DCC: variants seen among roughly 807,000 people sequenced by gnomAD.
DCC encodes netrin receptor DCC.
A neutral mutation model predicts 172.5 loss-of-function variants in DCC; 58 were observed. That is an observed-to-expected ratio of 0.34 (90% confidence interval 0.27 to 0.42). The LOEUF is 0.42. DCC is among the 10% of genes least tolerant of loss of function. The pLI is 1.00. For synonymous variants in DCC, 709 were observed against 644.5 expected, an observed-to-expected ratio of 1.10 and a Z score of -1.52; for missense variants, 1,740 against 1,791.0, an observed-to-expected ratio of 0.97 and a Z score of 0.51.
intron 12 of DCC, among the ~76,000 whole-genome samples, chr18:53,278,537 T>C (rs1436489409): frequency 1.3e-5 from 2 of 152,134 alleles, no homozygotes; most frequent in Non-Finnish European, 2.9e-5. Context: ...ATCTCTGTCT[T>C]GTAGGTCCTC....
intron 5 of DCC, among the ~76,000 whole-genome samples, chr18:53,022,421 G>C (rs2041893516): frequency 6.6e-6 from 1 of 151,526 alleles, no homozygotes; most frequent in Non-Finnish European, 1.5e-5. Flanking sequence ...AAGCACTAAG[G>C]GTTAATTGCA....
chr18:52,791,525 G>A (rs56405409), intron 2 of DCC, among the ~76,000 whole-genome samples: 32,714 of 151,442 alleles, frequency 0.22, 4,243 homozygotes, highest in South Asian at 0.35. Context: ...ATCACCAACC[G>A]TGGCTGCAGG....
At chr18:52,469,018 G>A (rs928167597) in intron 1 of DCC, among the ~76,000 whole-genome samples, 4 of 148,056 alleles carry the variant, frequency 2.7e-5, no homozygotes, top group Non-Finnish European at 4.4e-5. Flanking sequence ...CTCATCAGTG[G>A]AAAACAATTT....
intron 15 of DCC, among the ~76,000 whole-genome samples, chr18:53,340,784 C>T (rs9951099): frequency 1.3e-5 from 2 of 151,954 alleles, no homozygotes; most frequent in Admixed American, 6.6e-5. Context: ...GATTTAATAC[C>T]GTATTACATG....
rs367877222 is a variant in DCC at position 53,530,554 on chromosome 18, C to A, written c.4255-10C>A. 5 of 1,453,252 alleles carry A rather than the reference C, an allele frequency of 3.4e-6. No homozygotes were observed. Among genetic ancestry groups the A allele is most frequent in the African/African-American group, 1.4e-5 (1 of 71,728 alleles). The allele number at this position is 1,453,252 out of a possible 1,614,324, so 90.0% of individuals were successfully genotyped here. On this transcript the variant is annotated splice_polypyrimidine_tract_variant and intron_variant, in intron 28 of 28. Coordinates refer to ENST00000442544, the MANE Select transcript of DCC (RefSeq NM_005215.4). The stretch of plus-strand genomic sequence containing the variant: ...TTGTTACTAACTCTTGGCTCTCATT[C>A]TCTTTATAGGTGTATGAACAGGATG...
chr18:53,437,216 T>A (rs1170866361), intron 22 of DCC, among the ~76,000 whole-genome samples: 1 of 152,190 alleles, frequency 6.6e-6, no homozygotes, highest in Non-Finnish European at 1.5e-5. Flanking sequence ...TGGTAGGTAT[T>A]TGACTTTCAG....
chr18:52,867,872 A>T (rs1444342292), intron 2 of DCC, among the ~76,000 whole-genome samples: 9 of 152,156 alleles, frequency 5.9e-5, no homozygotes, highest in Non-Finnish European at 1.0e-4. Context: ...TATACAAAGG[A>T]TTTTAACTTT....
At position 52,898,154 on chromosome 18, in the gene DCC, A is replaced by G. The variant is rs866164350; in HGVS notation, c.413-7890A>G. On this transcript the variant is annotated intron_variant, in intron 2 of 28. Coordinates refer to ENST00000442544, the MANE Select transcript of DCC (RefSeq NM_005215.4). ...TCTGGCAGTTGCAGAGTATTACCACACTGCTGAATATTTAAAAGCAAGGCG... is the reference window on the plus strand; with the variant it reads ...TCTGGCAGTTGCAGAGTATTACCACGCTGCTGAATATTTAAAAGCAAGGCG... Among the ~76,000 whole-genome samples the G allele has an allele frequency of 1.1e-3, 174 of 152,328 alleles. 1 individual carries two copies. The highest frequency in any genetic ancestry group is 4.0e-3 in the African/African-American group (168 of 41,576).
At chr18:52,914,036 A>G (rs1165406235) in intron 3 of DCC, among the ~76,000 whole-genome samples, 1 of 152,072 alleles carries the variant, frequency 6.6e-6, no homozygotes, top group African/African-American at 2.4e-5. Context: ...TTCATTATCA[A>G]ACAACAAGAG....
intron 12 of DCC, among the ~76,000 whole-genome samples, chr18:53,295,088 T>C (rs533275715): frequency 1.3e-5 from 2 of 152,286 alleles, no homozygotes; most frequent in South Asian, 2.1e-4. Context: ...TTAAACATAC[T>C]TTATTACTGC....
chr18:52,461,505 G>A (rs945148516), intron 1 of DCC, among the ~76,000 whole-genome samples: 1 of 151,234 alleles, frequency 6.6e-6, no homozygotes, highest in South Asian at 2.2e-4. Context: ...CTACATAATT[G>A]TATGTGCTAG....
chr18:52,644,866 T>A (rs1350725448), intron 1 of DCC, among the ~76,000 whole-genome samples: 2 of 150,476 alleles, frequency 1.3e-5, no homozygotes, highest in East Asian at 3.9e-4. Flanking sequence ...GGAGAAAAAA[T>A]AGAAAAACAA....
intron 2 of DCC, among the ~76,000 whole-genome samples, chr18:52,790,841 C>T (rs1416872227): frequency 6.6e-6 from 1 of 152,192 alleles, no homozygotes; most frequent in East Asian, 1.9e-4. Flanking sequence ...AACATCCCTC[C>T]ATGAGAAGTC....
At chr18:52,915,791 A>G (rs2040030999) in intron 3 of DCC, among the ~76,000 whole-genome samples, 1 of 152,104 alleles carries the variant, frequency 6.6e-6, no homozygotes, top group Non-Finnish European at 1.5e-5. Flanking sequence ...GAAGAAATAT[A>G]TTTATCAATT....
chr18:53,471,736 T>C (rs1258251751), intron 25 of DCC, among the ~76,000 whole-genome samples: 1 of 152,216 alleles, frequency 6.6e-6, no homozygotes, highest in Middle Eastern at 3.2e-3. Context: ...TATTTACATG[T>C]CTTATCCCCC....
intron 2 of DCC, among the ~76,000 whole-genome samples, chr18:52,811,087 C>CT: frequency 6.6e-6 from 1 of 152,172 alleles, no homozygotes; most frequent in Middle Eastern, 3.4e-3. Flanking sequence ...ACAATTCAAG[C>CT]TATAGTCTGC....
intron 1 of DCC, among the ~76,000 whole-genome samples, chr18:52,710,992 G>T (rs2036283074): frequency 6.6e-6 from 1 of 152,180 alleles, no homozygotes; most frequent in Non-Finnish European, 1.5e-5. Context: ...GATTTTATGT[G>T]ATAGGTTTGG....
At chr18:53,326,693 A>T (rs1029964354) in intron 14 of DCC, among the ~76,000 whole-genome samples, 3 of 152,194 alleles carry the variant, frequency 2.0e-5, no homozygotes, top group Non-Finnish European at 4.4e-5. Context: ...GGTATAAATG[A>T]CTTGCACCAA....
At chr18:52,619,500 G>C (rs1173773026) in intron 1 of DCC, among the ~76,000 whole-genome samples, 1 of 152,154 alleles carries the variant, frequency 6.6e-6, no homozygotes, top group Non-Finnish European at 1.5e-5. Flanking sequence ...GTAACATTTA[G>C]AGTTCATGGT....
Sources: allele counts gnomAD v4.1 joint callset (sites outside exome capture counted in the v4.1 genomes callset), GRCh38; gene constraint gnomAD v4.1.1; transcripts MANE v1.5; gene names NCBI Gene and HGNC (gene_info 2026-07-23, HGNC 2026-07-21).